The following GALNT9 variants were observed in gnomAD, a reference collection of about 807,000 sequenced individuals.
GALNT9 encodes GalNAc transferase 9.
GALNT9 carries 47 observed loss-of-function variants against 63.1 expected under a neutral mutation model. That is an observed-to-expected ratio of 0.75 (90% CI 0.59 to 0.95). The LOEUF is 0.95. Ranked by LOEUF, GALNT9 falls within the 40% of genes least tolerant of loss-of-function variation. The pLI is 0.00. For synonymous variants in GALNT9, 396 were observed against 365.7 expected (o/e 1.08, Z -0.94); for missense variants, 829 against 874.8 (o/e 0.95, Z 0.66).
intron 6 of GALNT9, among the ~76,000 whole-genome samples, chr12:132,210,489 G>A (rs1876907869): frequency 6.6e-6 from 1 of 152,222 alleles, no homozygotes. Flanking sequence ...TGTGGGTGCA[G>A]CTGGAGGACT....
rs1269047083 is a variant in GALNT9 at position 132,257,852 on chromosome 12, G to A, written c.796C>T (p.Arg266Trp). 1.4e-5 allele frequency: 21 copies of A among 1,548,308 alleles called. No individual in the cohort carries two copies. The highest frequency in any genetic ancestry group is 2.4e-5 in the South Asian group (2 of 84,026). Residue 266 changes from arginine (R) to tryptophan (W), a missense_variant, in exon 5 of 11, where the codon CGG becomes TGG. Physicochemically the swap from Arg to Trp is moderately radical, Grantham distance 101. Transcript: ENST00000328957. ...ATGGCTGGCAGCACGATGCGACGCC[G>A]GTCCTCTCGGATCCGCGACAGTGCG... ...EPALSRIRED[R>W]RRIVLPAIDN...
At position 132,262,830 on chromosome 12, in the gene GALNT9, C is replaced by T. The variant is rs79477386; in HGVS notation, c.420-205G>A. On this transcript the variant is annotated intron_variant, in intron 2 of 10. Coordinates refer to ENST00000328957, the MANE Select transcript of GALNT9 (RefSeq NM_001122636.2). ...GGTCAGGGCGCAGCATGAGGGACCC[C>T]GGGAGCCAGGTGCACCCTTCGAGGG... Among the ~76,000 whole-genome samples, 697 of 140,292 alleles carry T rather than the reference C, an allele frequency of 5.0e-3. 28 individuals carry two copies. The highest frequency in any genetic ancestry group is 0.021 in the African/African-American group (649 of 30,280). 92.0% of individuals were successfully genotyped at this position (140,292 alleles called of 152,430 possible).
chr12:132,314,930 G>A (rs782473347), intron 1 of GALNT9, among the ~76,000 whole-genome samples: 4 of 152,196 alleles, frequency 2.6e-5, no homozygotes, highest in African/African-American at 4.8e-5. Context: ...AACATCTGCC[G>A]AAGCAGCGCC....
chr12:132,222,276 C>G lies in GALNT9; in HGVS notation c.1078-18586G>C, dbSNP rs560707482. On this transcript the variant is annotated intron_variant, in intron 6 of 10. Coordinates refer to ENST00000328957, the MANE Select transcript of GALNT9 (RefSeq NM_001122636.2). ...CTAAGAACGACAGCAAAGGCACACA[C>G]CATTAAAACGCACATACCAGGCCAG... is the stretch of plus-strand genomic sequence containing the variant. 2.6e-5 allele frequency among the ~76,000 whole-genome samples: 4 copies of G among 152,268 alleles called. No homozygotes were observed. In the East Asian group the frequency reaches 7.7e-4, roughly 29 times the overall value.
At chr12:132,302,229 T>TACACACACACACACACAAACACAC in intron 1 of GALNT9, among the ~76,000 whole-genome samples, 1 of 143,722 alleles carries the variant, frequency 7.0e-6, no homozygotes, top group South Asian at 2.3e-4. Flanking sequence ...TAGAAAATTC[T>TACACACACACACACACAAACACAC]ACACACACAC....
intron 2 of GALNT9, among the ~76,000 whole-genome samples, chr12:132,285,517 C>G (rs1880553441): frequency 6.6e-6 from 1 of 152,244 alleles, no homozygotes; most frequent in Non-Finnish European, 1.5e-5. Context: ...CCGTGGCGGC[C>G]AGGGCCCGGC....
chr12:132,304,454 C>G (rs1424189916), intron 1 of GALNT9, among the ~76,000 whole-genome samples: 2 of 64,386 alleles, frequency 3.1e-5, no homozygotes, highest in Non-Finnish European at 2.9e-5. Flanking sequence ...CACCCTCGCC[C>G]GGGCACAGCC....
In GALNT9 at chr12:132,265,814, A is replaced by T. The variant is rs73166901; in HGVS notation, c.420-3189T>A. Among the ~76,000 whole-genome samples the T allele has an allele frequency of 0.071, 10,888 of 152,282 alleles. 1,300 individuals are homozygous for T. Among genetic ancestry groups the T allele is most frequent in the African/African-American group, 0.25 (10,251 of 41,510 alleles). On this transcript the variant is annotated intron_variant, in intron 2 of 10. Transcript: ENST00000328957. This position sits in a 1 kb window ranked among gnomAD's most constrained non-coding sequence, Gnocchi z 5.3. ...TCTCCAGGACACTGTACACACAGTT[A>T]CACTCCAAGTTCAGCTCATTTTAAT...
chr12:132,287,339 A>T (rs1227738932), intron 1 of GALNT9, among the ~76,000 whole-genome samples: 1 of 152,178 alleles, frequency 6.6e-6, no homozygotes, highest in Non-Finnish European at 1.5e-5. Flanking sequence ...TAATGTTAAA[A>T]ATATTAACCC....
At chr12:132,288,784 C>T (rs1051887099) in intron 1 of GALNT9, among the ~76,000 whole-genome samples, 1 of 145,340 alleles carries the variant, frequency 6.9e-6, no homozygotes, top group Admixed American at 6.9e-5. Context: ...GACGGCTGCC[C>T]GATGCCCAGC....
In GALNT9 at chr12:132,286,172, AGTCACTTCCCTGGCCAGTGTGGGGGGCG is replaced by A. The variant is rs1291289032; in HGVS notation, c.419+50_419+77del. ...CACTTCCCCGGCCGGCGTGGGGGGC[AGTCACTTCCCTGGCCAGTGTGGGGGGCG>A]GTCACTTCCTCGGCGGGCGTCGGGG... is the stretch of plus-strand genomic sequence containing the variant. On this transcript the variant is annotated intron_variant, in intron 2 of 10. Coordinates refer to ENST00000328957, the MANE Select transcript of GALNT9 (RefSeq NM_001122636.2). The surrounding 1 kb of genome is among the most constrained non-coding windows in gnomAD (Gnocchi z 7.4). 4 of 1,178,544 alleles carry A rather than the reference AGTCACTTCCCTGGCCAGTGTGGGGGGCG, an allele frequency of 3.4e-6. No individual in the cohort carries two copies. Among genetic ancestry groups the A allele is most frequent in the Middle Eastern group, 2.6e-4 (1 of 3,838 alleles). 73.0% of individuals were successfully genotyped at this position (1,178,544 alleles called of 1,614,324 possible). A position where few individuals can be genotyped will look rare whatever the true frequency, so the allele number is the denominator to read the frequency against.
At position 132,327,968 on chromosome 12, in the gene GALNT9, C is replaced by G. The variant is rs1223040451; in HGVS notation, c.238+998G>C. Among the ~76,000 whole-genome samples the G allele has an allele frequency of 6.6e-6, 1 of 152,286 alleles. No individual in the cohort carries two copies. Among genetic ancestry groups the G allele is most frequent in the Non-Finnish European group, 1.5e-5 (1 of 68,022 alleles). Reference sequence around the variant, plus strand: ...ACCCCAGCTCCCGTCACCTCCCACTCGAGCCTGTTACGGATGCTTTCTGGA... The same window carrying G: ...ACCCCAGCTCCCGTCACCTCCCACTGGAGCCTGTTACGGATGCTTTCTGGA... On this transcript the variant is annotated intron_variant, in intron 1 of 10. Coordinates refer to ENST00000328957, the MANE Select transcript of GALNT9 (RefSeq NM_001122636.2). The surrounding 1 kb of genome is among the most constrained non-coding windows in gnomAD (Gnocchi z 4.3).
rs1868524150 is a variant in GALNT9, at chr12:132,316,656, C to T, written c.238+12310G>A. ...CTTTCCTCCGCTTCAGCAAATTCCC[C>T]CGTGCTCTGTGTAGTCCCTCAGCCA... On this transcript the variant is annotated intron_variant, in intron 1 of 10. Coordinates refer to ENST00000328957, the MANE Select transcript of GALNT9 (RefSeq NM_001122636.2). The surrounding 1 kb of genome is among the most constrained non-coding windows in gnomAD (Gnocchi z 4.3). Among the ~76,000 whole-genome samples, 1 of 152,010 alleles carries T rather than the reference C, an allele frequency of 6.6e-6. No individual in the cohort carries two copies. Among genetic ancestry groups the T allele is most frequent in the Non-Finnish European group, 1.5e-5 (1 of 67,980 alleles).
chr12:132,313,821 CCCAG>C (rs199748694), intron 1 of GALNT9, among the ~76,000 whole-genome samples: 5 of 111,782 alleles, frequency 4.5e-5, no homozygotes, highest in Admixed American at 9.2e-5. Context: ...CATCCACCCA[CCCAG>C]CCACCCACCC....
chr12:132,314,236 C>G (rs1240842653), intron 1 of GALNT9, among the ~76,000 whole-genome samples: 1 of 147,618 alleles, frequency 6.8e-6, no homozygotes, highest in East Asian at 2.1e-4. Flanking sequence ...ACCGACCCAT[C>G]CCTCCATCCA....
chr12:132,203,830 CGGGGCTTTGCCTCTCGGGGGCTGTTTTCA>C (rs1876418166), intron 6 of GALNT9, 140 bp from the exon 7 acceptor site: 1 of 858,380 alleles, frequency 1.2e-6, no homozygotes, highest in Admixed American at 2.9e-5. Flanking sequence ...TGGTGGGTCC[CGGGGCTTTGCCTCTCGGGGGCTGTTTTCA>C]GGGGACCCCG....
At chr12:132,294,177 C>T (rs1173542905) in intron 1 of GALNT9, among the ~76,000 whole-genome samples, 4 of 152,186 alleles carry the variant, frequency 2.6e-5, no homozygotes, top group African/African-American at 9.7e-5. Context: ...CCTGGGGCAC[C>T]AGGTCTTCAC....
chr12:132,326,537 G>T (rs966645509), intron 1 of GALNT9, among the ~76,000 whole-genome samples: 1 of 152,164 alleles, frequency 6.6e-6, no homozygotes, highest in Non-Finnish European at 1.5e-5. Flanking sequence ...TGGATTCTGG[G>T]CCCCTCCCCA....
chr12:132,322,237 C>T (rs1318464995), intron 1 of GALNT9, among the ~76,000 whole-genome samples: 2 of 152,220 alleles, frequency 1.3e-5, no homozygotes, highest in African/African-American at 2.4e-5. Context: ...CAGGCCTCCT[C>T]GTAGGTTTGT....
Sources: allele counts gnomAD v4.1 joint callset (sites outside exome capture counted in the v4.1 genomes callset), GRCh38; gene constraint gnomAD v4.1.1; non-coding constraint Gnocchi (gnomAD v3.1); transcripts MANE v1.5; gene names NCBI Gene and HGNC (gene_info 2026-07-23, HGNC 2026-07-21).